The following CPA6 variants were observed in gnomAD, a reference collection of about 807,000 sequenced individuals.
The protein encoded by CPA6 is carboxypeptidase A6.
A neutral mutation model predicts 63.3 loss-of-function variants in CPA6; 58 were observed. The ratio of observed to expected loss-of-function variants is 0.92; its 90% CI spans 0.74 to 1.14. The LOEUF (loss-of-function observed/expected upper bound fraction) is 1.14, where lower values mean the gene tolerates loss of function less well. CPA6 is among the 50% of genes most tolerant of loss of function. CPA6 has a pLI of 0.00. For synonymous variants in CPA6, 185 were observed against 179.0 expected (o/e 1.03, Z -0.27); for missense variants, 565 against 526.6 (o/e 1.07, Z -0.71).
In CPA6 at chr8:67,434,226, T is replaced by C. The variant is rs371199710; in HGVS notation, c.853A>G (p.Met285Val). 1.3e-5 allele frequency: 21 copies of C among 1,613,752 alleles called. No individual in the cohort carries two copies. In the African/African-American group the frequency reaches 1.9e-4, roughly 14 times the overall value. The change falls in exon 9 of 11, where the codon ATG becomes GTG. Residue 285 changes from methionine (M) to valine (V), a missense_variant. Transcript: ENST00000297770. Reference sequence around the variant, plus strand: ...CAGTATGTGTCATCACAAGGGTGCATAGAAGCTCCTTCATCTGCAAGTCAG... The same window carrying C: ...CAGTATGTGTCATCACAAGGGTGCACAGAAGCTCCTTCATCTGCAAGTCAG... ...KVKWCDEGAS[M>V]HPCDDTYCGP...
chr8:67,429,077 C>A (rs1486563603), intron 9 of CPA6, among the ~76,000 whole-genome samples: 39 of 152,128 alleles, frequency 2.6e-4, no homozygotes, highest in Non-Finnish European at 1.0e-4. Flanking sequence ...TGTGCTTATC[C>A]TCACTAGGAA....
intron 9 of CPA6, among the ~76,000 whole-genome samples, chr8:67,433,088 C>T (rs148951913): frequency 3.1e-4 from 47 of 152,222 alleles, no homozygotes; most frequent in African/African-American, 9.9e-4. Flanking sequence ...CATTTGGTGT[C>T]AAGAGGCCAA....
At chr8:67,731,698 T>A (rs1035742847) in intron 1 of CPA6, among the ~76,000 whole-genome samples, 4 of 152,252 alleles carry the variant, frequency 2.6e-5, no homozygotes, top group African/African-American at 7.2e-5. Context: ...TGTATGGGCA[T>A]CTGAGTAGGG....
chr8:67,716,348 G>A (rs1478734868), intron 1 of CPA6, among the ~76,000 whole-genome samples: 2 of 152,116 alleles, frequency 1.3e-5, no homozygotes, highest in Non-Finnish European at 2.9e-5. Flanking sequence ...TTTAGGGAGA[G>A]ATGAGACATC....
intron 1 of CPA6, among the ~76,000 whole-genome samples, chr8:67,647,326 T>C (rs1815733933): frequency 6.9e-6 from 1 of 144,836 alleles, no homozygotes; most frequent in African/African-American, 2.6e-5. Flanking sequence ...TAGACAATGA[T>C]AGGATAATCT....
At chr8:67,444,638 G>C (rs1325362528) in intron 8 of CPA6, among the ~76,000 whole-genome samples, 1 of 143,272 alleles carries the variant, frequency 7.0e-6, no homozygotes, top group Admixed American at 6.9e-5. Flanking sequence ...ACAAAAATTA[G>C]CTGGGTGTTG....
intron 2 of CPA6, among the ~76,000 whole-genome samples, chr8:67,580,529 T>G (rs1331290549): frequency 6.6e-6 from 1 of 152,188 alleles, no homozygotes; most frequent in Non-Finnish European, 1.5e-5. Flanking sequence ...TTTAGTCTCT[T>G]GTTTTTGGGG....
intron 2 of CPA6, among the ~76,000 whole-genome samples, chr8:67,553,559 CA>C (rs1812996500): frequency 6.6e-6 from 1 of 152,146 alleles, no homozygotes; most frequent in African/African-American, 2.4e-5. Context: ...CTTCATTTCT[CA>C]AGGGCTTATG....
chr8:67,523,661 T>G (rs1012612665), intron 2 of CPA6, among the ~76,000 whole-genome samples: 1 of 152,246 alleles, frequency 6.6e-6, no homozygotes, highest in Non-Finnish European at 1.5e-5. Context: ...ACCAATGTCA[T>G]GGCTCTTGGT....
In CPA6 at chr8:67,684,027, AT is replaced by A. The variant is rs1247976303; in HGVS notation, c.117-59777del. On this transcript the variant is annotated intron_variant, in intron 1 of 10. Transcript: ENST00000297770. Reference sequence around the variant, plus strand: ...TATATATATATATATATATATATATATATAATTTTTATTTTATTTATTTATT... The same window carrying A: ...TATATATATATATATATATATATATAATAATTTTTATTTTATTTATTTATT... Among the ~76,000 whole-genome samples, 20 of 138,132 alleles carry A rather than the reference AT, an allele frequency of 1.4e-4. 1 individual carries two copies. The East Asian group carries it at 1.5e-3, about 10-fold the overall frequency. 90.6% of individuals were successfully genotyped at this position (138,132 alleles called of 152,430 possible). A position where few individuals can be genotyped will look rare whatever the true frequency, so the allele number is the denominator to read the frequency against.
At chr8:67,583,917 G>A (rs1813846875) in intron 2 of CPA6, among the ~76,000 whole-genome samples, 1 of 152,062 alleles carries the variant, frequency 6.6e-6, no homozygotes. Context: ...CAGCATTTTG[G>A]GAGGCTGAGG....
chr8:67,565,085 C>A (rs1813303647), intron 2 of CPA6, among the ~76,000 whole-genome samples: 1 of 151,970 alleles, frequency 6.6e-6, no homozygotes, highest in Admixed American at 6.6e-5. Context: ...GACCCGAAAA[C>A]AAATATATTG....
At chr8:67,670,322 G>A (rs570913201) in intron 1 of CPA6, among the ~76,000 whole-genome samples, 15 of 152,230 alleles carry the variant, frequency 9.9e-5, no homozygotes, top group Non-Finnish European at 1.9e-4. Flanking sequence ...AGCAGGAGGC[G>A]GCAGGGGGAA....
At chr8:67,682,638 GT>G (rs1205018728) in intron 1 of CPA6, among the ~76,000 whole-genome samples, 2 of 152,264 alleles carry the variant, frequency 1.3e-5, no homozygotes, top group South Asian at 2.1e-4. Flanking sequence ...ATATTTCTGA[GT>G]TTTTTTGCAG....
intron 2 of CPA6, among the ~76,000 whole-genome samples, chr8:67,554,283 T>C (rs1813011716): frequency 6.6e-6 from 1 of 152,038 alleles, no homozygotes; most frequent in South Asian, 2.1e-4. Context: ...CTCAGGGAGC[T>C]TTTACTCTGG....
chr8:67,456,445 A>T (rs757905905), intron 8 of CPA6, among the ~76,000 whole-genome samples: 2 of 152,280 alleles, frequency 1.3e-5, no homozygotes, highest in Non-Finnish European at 2.9e-5. Flanking sequence ...AATACACTCA[A>T]CCTAACTCCT....
intron 8 of CPA6, among the ~76,000 whole-genome samples, chr8:67,459,257 C>T (rs1810746055): frequency 6.6e-6 from 1 of 152,096 alleles, no homozygotes; most frequent in South Asian, 2.1e-4. Flanking sequence ...ACTCCTGGCT[C>T]CAGCTATTTG....
chr8:67,595,543 G>A (rs533631888), intron 2 of CPA6, among the ~76,000 whole-genome samples: 1 of 152,342 alleles, frequency 6.6e-6, no homozygotes, highest in African/African-American at 2.4e-5. Context: ...CACCCAGTTC[G>A]AGCTTCCCGG....
intron 2 of CPA6, among the ~76,000 whole-genome samples, chr8:67,571,431 T>C (rs1813483188): frequency 1.3e-5 from 2 of 152,166 alleles, no homozygotes; most frequent in Admixed American, 1.3e-4. Flanking sequence ...GTACATTCTC[T>C]AGGGTAGATC....
Sources: allele counts gnomAD v4.1 joint callset (sites outside exome capture counted in the v4.1 genomes callset), GRCh38; gene constraint gnomAD v4.1.1; transcripts MANE v1.5; gene names NCBI Gene and HGNC (gene_info 2026-07-23, HGNC 2026-07-21).